Variants in PTPRR observed in about 807,000 individuals in gnomAD.
PTPRR encodes the protein protein tyrosine phosphatase receptor type R, also known as receptor-type tyrosine-protein phosphatase R.
PTPRR carries 38 observed loss-of-function variants against 77.2 expected under a neutral mutation model. The observed-to-expected ratio is 0.49, with a 90% confidence interval of 0.38 to 0.65. The LOEUF (loss-of-function observed/expected upper bound fraction) is 0.65. Among genes scored for constraint, PTPRR ranks in the 30% least tolerant of loss-of-function variants. PTPRR has a pLI of 0.00. For synonymous variants in PTPRR, 299 were observed against 283.1 expected (o/e 1.06, Z -0.57); for missense variants, 744 against 799.2 (o/e 0.93, Z 0.83).
At chr12:70,776,032 C>T (rs1450189516) in intron 2 of PTPRR, among the ~76,000 whole-genome samples, 1 of 152,124 alleles carries the variant, frequency 6.6e-6, no homozygotes, top group Non-Finnish European at 1.5e-5. Flanking sequence ...CCACCTTTCT[C>T]ATGGTCTTAC....
intron 2 of PTPRR, among the ~76,000 whole-genome samples, chr12:70,815,148 A>AAG (rs11403230): frequency 1.7e-5 from 2 of 119,692 alleles, no homozygotes; most frequent in Non-Finnish European, 3.6e-5. Flanking sequence ...AAAAAAAAAA[A>AAG]CCCACGTGTC....
chr12:70,782,173 G>A (rs901572149), intron 2 of PTPRR, among the ~76,000 whole-genome samples: 38 of 152,100 alleles, frequency 2.5e-4, no homozygotes, highest in African/African-American at 4.1e-4. Context: ...GTGCTTGCCT[G>A]TTTTCTCAGT....
chr12:70,659,497 A>G (rs1886715803), intron 12 of PTPRR, among the ~76,000 whole-genome samples: 1 of 152,144 alleles, frequency 6.6e-6, no homozygotes, highest in Non-Finnish European at 1.5e-5. Context: ...AGTGACTGGA[A>G]AAAAGATAGT....
chr12:70,648,244 A>G (rs1886271770), intron 13 of PTPRR, among the ~76,000 whole-genome samples: 1 of 152,202 alleles, frequency 6.6e-6, no homozygotes, highest in African/African-American at 2.4e-5. Context: ...ATTTTAAAAA[A>G]AAACCCACCC....
At chr12:70,674,783 T>TA (rs1345107749) in intron 10 of PTPRR, among the ~76,000 whole-genome samples, 6 of 152,160 alleles carry the variant, frequency 3.9e-5, no homozygotes, top group Non-Finnish European at 7.4e-5. Context: ...ACTTTTTCTA[T>TA]ATTTTTATTT....
intron 6 of PTPRR, among the ~76,000 whole-genome samples, chr12:70,733,099 G>C (rs1324200276): frequency 6.6e-6 from 1 of 151,966 alleles, no homozygotes; most frequent in East Asian, 1.9e-4. Context: ...AATCCTTGAG[G>C]GCTGTGTTTT....
rs1054785709 is a variant in PTPRR at position 70,660,959 on chromosome 12, G to A, written c.1747C>T (p.Pro583Ser). The A allele has an allele frequency of 6.2e-7, 1 of 1,613,562 alleles. No individual in the cohort carries two copies. Among genetic ancestry groups the A allele is most frequent in the Non-Finnish European group, 8.5e-7 (1 of 1,179,772 alleles). Residue 583 changes from proline (P) to serine (S), a missense_variant, in exon 12 of 14, where the codon CCT becomes TCT. Physicochemically the swap from Pro to Ser is moderately conservative, Grantham distance 74 (BLOSUM62 -1). This residue lies in a region of PTPRR where 170 missense variants were observed against 209.8 expected (regional missense o/e 0.81). Transcript: ENST00000283228. Reference sequence around the variant, plus strand: ...TCTTACCTGCAGTGGACAACCACAGGCCCTCGGCCCTGGGAAGCAAGTCTG... The same window carrying A: ...TCTTACCTGCAGTGGACAACCACAGACCCTCGGCCCTGGGAAGCAAGTCTG... The part of the protein sequence containing the change: ...EDRLASQGRG[P>S]VVVHCSAGIG...
chr12:70,747,367 T>G (rs1166263377), intron 5 of PTPRR, among the ~76,000 whole-genome samples: 1 of 152,204 alleles, frequency 6.6e-6, no homozygotes, highest in African/African-American at 2.4e-5. Flanking sequence ...AAGAAACAAA[T>G]ATATCTGTAC....
chr12:70,728,450 T>TTA (rs1377775946), intron 6 of PTPRR, among the ~76,000 whole-genome samples: 25 of 108,188 alleles, frequency 2.3e-4, no homozygotes, highest in East Asian at 1.1e-3. Context: ...GGTTATTCAA[T>TTA]TATATATATA....
chr12:70,641,407 T>C (rs1170101504), intron 13 of PTPRR, among the ~76,000 whole-genome samples: 1 of 152,242 alleles, frequency 6.6e-6, no homozygotes, highest in Non-Finnish European at 1.5e-5. Context: ...AACTGGTGAA[T>C]GAATGGAGAC....
At chr12:70,919,331 C>T (rs145992681) in intron 1 of PTPRR, among the ~76,000 whole-genome samples, 202 of 152,276 alleles carry the variant, frequency 1.3e-3, no homozygotes, top group Non-Finnish European at 2.0e-3. Flanking sequence ...CTGGTTGTTA[C>T]AGGACTACTG....
intron 2 of PTPRR, among the ~76,000 whole-genome samples, chr12:70,878,252 G>C (rs1414391154): frequency 2.6e-5 from 4 of 152,118 alleles, no homozygotes; most frequent in Admixed American, 6.6e-5. Context: ...TGACAAATGG[G>C]ATCTAATTAA....
At chr12:70,891,212 C>A (rs931993385) in intron 2 of PTPRR, among the ~76,000 whole-genome samples, 8 of 152,104 alleles carry the variant, frequency 5.3e-5, no homozygotes, top group African/African-American at 1.7e-4. Flanking sequence ...CAGAATTCCT[C>A]ATTGGTGCCT....
At chr12:70,706,543 C>T (rs954088) in intron 6 of PTPRR, among the ~76,000 whole-genome samples, 47,660 of 151,638 alleles carry the variant, frequency 0.31, 7,751 homozygotes, top group South Asian at 0.48. Context: ...AGGAAATGAT[C>T]CATTTTCCTA....
At chr12:70,769,293 A>G (rs1346188007) in intron 2 of PTPRR, among the ~76,000 whole-genome samples, 3 of 151,284 alleles carry the variant, frequency 2.0e-5, no homozygotes, top group Non-Finnish European at 4.4e-5. Context: ...CCTTAAGCTG[A>G]TAAGCAACTT....
chr12:70,764,541 T>G, intron 3 of PTPRR, 124 bp downstream of exon 3: 1 of 733,978 alleles, frequency 1.4e-6, no homozygotes, highest in Non-Finnish European at 2.3e-6. Flanking sequence ...AAAATTTTAT[T>G]TGCAAAAACA....
At chr12:70,699,033 T>A (rs1383522290) in intron 7 of PTPRR, among the ~76,000 whole-genome samples, 1 of 152,048 alleles carries the variant, frequency 6.6e-6, no homozygotes, top group Non-Finnish European at 1.5e-5. Context: ...AGGAAAAGAG[T>A]GGCTGTATGT....
At chr12:70,877,780 C>T (rs889677544) in intron 2 of PTPRR, among the ~76,000 whole-genome samples, 1 of 152,122 alleles carries the variant, frequency 6.6e-6, no homozygotes, top group East Asian at 1.9e-4. Context: ...AAAAAAGAGC[C>T]TGCATTGCCA....
intron 2 of PTPRR, among the ~76,000 whole-genome samples, chr12:70,875,642 G>GA (rs59342087): frequency 0.26 from 31,929 of 121,084 alleles, 3,587 homozygotes; most frequent in East Asian, 0.44. Flanking sequence ...TTGCTAAGTA[G>GA]AAAAAAAAAA....
Sources: allele counts gnomAD v4.1 joint callset (sites outside exome capture counted in the v4.1 genomes callset), GRCh38; gene constraint gnomAD v4.1.1; regional missense constraint gnomAD v4.1.1; transcripts MANE v1.5; gene names NCBI Gene and HGNC (gene_info 2026-07-23, HGNC 2026-07-21).